Variants in GRIK2 observed in about 807,000 individuals in gnomAD.
The protein encoded by GRIK2 is glutamate ionotropic receptor kainate type subunit 2.
In GRIK2, 32 loss-of-function variants were observed where a neutral mutation model predicts 100.3. The observed-to-expected ratio is 0.32, with a 90% CI of 0.24 to 0.43. The LOEUF is 0.43. Among genes scored for constraint, GRIK2 ranks in the 20% least tolerant of loss-of-function variants. GRIK2 has a pLI of 1.00. For synonymous variants in GRIK2, 417 were observed against 389.4 expected (o/e 1.07, Z -0.83); for missense variants, 843 against 1,114.9 (o/e 0.76, Z 3.47).
chr6:101,396,618 C>A (rs1255719554), intron 1 of GRIK2, among the ~76,000 whole-genome samples: 3 of 152,156 alleles, frequency 2.0e-5, no homozygotes, highest in East Asian at 3.9e-4. Flanking sequence ...ATAATGTGAA[C>A]AATGCAATAA....
chr6:101,586,779 A>C (rs1778384601), intron 2 of GRIK2, among the ~76,000 whole-genome samples: 1 of 151,364 alleles, frequency 6.6e-6, no homozygotes, highest in Non-Finnish European at 1.5e-5. Context: ...AGTCCCAGCT[A>C]CTTGGGAGGC....
chr6:101,905,711 T>C (rs1788175253), intron 12 of GRIK2, among the ~76,000 whole-genome samples: 1 of 151,468 alleles, frequency 6.6e-6, no homozygotes, highest in Non-Finnish European at 1.5e-5. Flanking sequence ...CTATTTCTAT[T>C]CATCCATGCA....
intron 2 of GRIK2, among the ~76,000 whole-genome samples, chr6:101,599,547 G>A (rs1427970002): frequency 3.3e-5 from 5 of 151,518 alleles, no homozygotes; most frequent in African/African-American, 1.2e-4. Context: ...ATGTATACAC[G>A]TTCCCCTTTC....
At chr6:102,024,118 G>A (rs894083284) in intron 14 of GRIK2, among the ~76,000 whole-genome samples, 1 of 150,796 alleles carries the variant, frequency 6.6e-6, no homozygotes, top group African/African-American at 2.4e-5. Flanking sequence ...ATTGGCTGAA[G>A]CACTAAAAAA....
At chr6:101,431,787 A>G (rs939410420) in intron 2 of GRIK2, among the ~76,000 whole-genome samples, 12 of 152,166 alleles carry the variant, frequency 7.9e-5, no homozygotes, top group Non-Finnish European at 1.8e-4. Flanking sequence ...GTATTATTAA[A>G]GGGGAGACAT....
At chr6:101,748,113 G>A (rs1228148098) in intron 7 of GRIK2, among the ~76,000 whole-genome samples, 2 of 152,094 alleles carry the variant, frequency 1.3e-5, no homozygotes, top group Admixed American at 1.3e-4. Flanking sequence ...ATCTTGGTTG[G>A]GTTAAGTTAT....
chr6:101,747,068 T>G (rs1193938192), intron 7 of GRIK2, among the ~76,000 whole-genome samples: 2 of 152,188 alleles, frequency 1.3e-5, no homozygotes, highest in Non-Finnish European at 2.9e-5. Context: ...AAATAAGTCT[T>G]CCGTGTCCCT....
chr6:101,925,186 T>C (rs184131550), intron 13 of GRIK2, among the ~76,000 whole-genome samples: 1 of 152,256 alleles, frequency 6.6e-6, no homozygotes, highest in East Asian at 1.9e-4. Flanking sequence ...ATTTGAAGAG[T>C]TAAAATATTA....
intron 2 of GRIK2, among the ~76,000 whole-genome samples, chr6:101,609,059 T>C (rs545339696): frequency 6.6e-6 from 1 of 151,980 alleles, no homozygotes; most frequent in South Asian, 2.1e-4. Context: ...ACTGCTTTTA[T>C]ATGAGTCCTT....
intron 2 of GRIK2, among the ~76,000 whole-genome samples, chr6:101,592,585 T>G: frequency 1.6e-5 from 1 of 63,146 alleles, no homozygotes; most frequent in South Asian, 6.3e-4. Flanking sequence ...ATTACTAATA[T>G]CACATATATA....
intron 7 of GRIK2, among the ~76,000 whole-genome samples, chr6:101,791,920 G>C (rs1393711136): frequency 6.6e-6 from 1 of 152,000 alleles, no homozygotes; most frequent in Non-Finnish European, 1.5e-5. Flanking sequence ...ATTTAGGATA[G>C]TTATCTCTTC....
At chr6:101,617,415 ATTGCAT>A (rs1779940243) in intron 2 of GRIK2, among the ~76,000 whole-genome samples, 1 of 151,740 alleles carries the variant, frequency 6.6e-6, no homozygotes, top group Admixed American at 6.6e-5. Flanking sequence ...ATCTCATGTT[ATTGCAT>A]GTAGTTCTTT....
chr6:101,765,877 ATCTACT>A (rs1258335498), intron 7 of GRIK2, among the ~76,000 whole-genome samples: 2 of 152,152 alleles, frequency 1.3e-5, no homozygotes, highest in African/African-American at 4.8e-5. Flanking sequence ...TTTCTTATAC[ATCTACT>A]TAAACTTAAT....
At chr6:101,769,740 T>A (rs911078439) in intron 7 of GRIK2, among the ~76,000 whole-genome samples, 1 of 152,184 alleles carries the variant, frequency 6.6e-6, no homozygotes, top group Non-Finnish European at 1.5e-5. Context: ...AGAGAGGCCC[T>A]CTAAAAGAAA....
chr6:101,585,066 T>C (rs1049390143), intron 2 of GRIK2, among the ~76,000 whole-genome samples: 8 of 152,006 alleles, frequency 5.3e-5, no homozygotes, highest in African/African-American at 1.9e-4. Context: ...AAATACTTAT[T>C]TCTCAGCTAT....
intron 2 of GRIK2, among the ~76,000 whole-genome samples, chr6:101,425,042 C>G (rs1201959611): frequency 6.6e-6 from 1 of 151,984 alleles, no homozygotes; most frequent in Non-Finnish European, 1.5e-5. Flanking sequence ...TGCAGTGCCA[C>G]ATTTTCTTCA....
At chr6:101,768,029 T>G (rs2128395592) in intron 7 of GRIK2, among the ~76,000 whole-genome samples, 1 of 152,048 alleles carries the variant, frequency 6.6e-6, no homozygotes, top group South Asian at 2.1e-4. Context: ...TGGCTAATTT[T>G]TGTATTTTTA....
intron 10 of GRIK2, among the ~76,000 whole-genome samples, chr6:101,832,270 T>C (rs998913952): frequency 1.3e-5 from 2 of 152,136 alleles, no homozygotes; most frequent in Non-Finnish European, 2.9e-5. Context: ...AAAATTGTTT[T>C]ACAGTTATAA....
At chr6:101,977,886 C>T (rs866886410) in intron 14 of GRIK2, among the ~76,000 whole-genome samples, 18 of 152,032 alleles carry the variant, frequency 1.2e-4, no homozygotes, top group South Asian at 1.0e-3. Context: ...TAAAGCTCCT[C>T]GAGAAACTTT....
Sources: allele counts gnomAD v4.1 joint callset (sites outside exome capture counted in the v4.1 genomes callset), GRCh38; gene constraint gnomAD v4.1.1; transcripts MANE v1.5; gene names NCBI Gene and HGNC (gene_info 2026-07-23, HGNC 2026-07-21).